Variants in KCNH5 observed in about 807,000 individuals in gnomAD.
The protein encoded by KCNH5 is voltage-gated delayed rectifier potassium channel KCNH5.
In KCNH5, 46 loss-of-function variants were observed where a neutral mutation model predicts 96.1. The ratio of observed to expected loss-of-function variants is 0.48; its 90% CI spans 0.38 to 0.61. The LOEUF (loss-of-function observed/expected upper bound fraction) is 0.61, where lower values mean the gene tolerates loss of function less well. Ranked by LOEUF, KCNH5 falls within the 20% of genes least tolerant of loss-of-function variation. The pLI is 0.00. For missense variants in KCNH5, 907 were observed against 1,225.8 expected, an observed-to-expected ratio of 0.74 and a Z score of 3.88; for synonymous variants, 439 against 449.8, an observed-to-expected ratio of 0.98 and a Z score of 0.30.
At chr14:62,717,509 A>G (rs1389123359) in intron 10 of KCNH5, among the ~76,000 whole-genome samples, 3 of 152,228 alleles carry the variant, frequency 2.0e-5, no homozygotes, top group Non-Finnish European at 4.4e-5. Context: ...GGTTTTTGAC[A>G]AGGTTGTCAA....
intron 10 of KCNH5, among the ~76,000 whole-genome samples, chr14:62,778,745 AC>A (rs1886149161): frequency 6.6e-6 from 1 of 152,242 alleles, no homozygotes; most frequent in South Asian, 2.1e-4. Context: ...TTGATAACAA[AC>A]GTATGAACTG....
Position 62,790,772 on chromosome 14 carries a change from C to T in KCNH5, c.1823-10848G>A, listed in dbSNP as rs146477443. ...ATTTTTTTCTTGATTTCTTTTTCAG[C>T]TAAGTCATTATTTGCATATAGAAAT... On this transcript the variant is annotated intron_variant, in intron 9 of 10. Transcript: ENST00000322893. 3.2e-3 allele frequency among the ~76,000 whole-genome samples: 488 copies of T among 151,584 alleles called. 1 individual carries two copies. Among genetic ancestry groups the T allele is most frequent in the African/African-American group, 0.011 (474 of 41,446 alleles).
chr14:62,785,341 G>A (rs950583388), intron 9 of KCNH5, among the ~76,000 whole-genome samples: 3 of 152,172 alleles, frequency 2.0e-5, no homozygotes, highest in African/African-American at 4.8e-5. Context: ...AATATCTAAC[G>A]TGCATGCATC....
chr14:62,941,026 C>G (rs754320958), intron 7 of KCNH5, among the ~76,000 whole-genome samples: 2 of 152,082 alleles, frequency 1.3e-5, no homozygotes, highest in Non-Finnish European at 2.9e-5. Flanking sequence ...AAGGGAGAGA[C>G]AGATGGATCA....
At chr14:62,982,313 G>A (rs1283427550) in intron 5 of KCNH5, among the ~76,000 whole-genome samples, 2 of 151,934 alleles carry the variant, frequency 1.3e-5, no homozygotes, top group African/African-American at 4.8e-5. Context: ...TGGCGACAGA[G>A]CGAGACTCCG....
chr14:62,935,845 G>T (rs920315762), intron 7 of KCNH5, among the ~76,000 whole-genome samples: 40 of 152,162 alleles, frequency 2.6e-4, no homozygotes, highest in African/African-American at 8.7e-4. Flanking sequence ...GTGGACCATT[G>T]AGCAAAATAT....
intron 7 of KCNH5, among the ~76,000 whole-genome samples, chr14:62,893,640 C>T (rs1033326824): frequency 2.0e-5 from 3 of 152,066 alleles, no homozygotes; most frequent in Admixed American, 6.6e-5. Flanking sequence ...CCTGTAATCC[C>T]AGCTACTTGG....
At chr14:62,820,457 A>G (rs112741786) in intron 8 of KCNH5, among the ~76,000 whole-genome samples, 2,008 of 151,330 alleles carry the variant, frequency 0.013, 42 homozygotes, top group African/African-American at 0.046. Context: ...CCTAATACCC[A>G]TTAGTTATTT....
intron 8 of KCNH5, among the ~76,000 whole-genome samples, chr14:62,822,137 T>C (rs1272965415): frequency 1.3e-5 from 2 of 152,140 alleles, no homozygotes. Flanking sequence ...AAGGAATTTG[T>C]GGAGAGATAT....
intron 7 of KCNH5, among the ~76,000 whole-genome samples, chr14:62,901,855 T>C (rs1421959437): frequency 7.9e-5 from 12 of 152,256 alleles, no homozygotes; most frequent in East Asian, 7.7e-4. Flanking sequence ...ACAATGTATA[T>C]GCATTCTCTT....
intron 8 of KCNH5, among the ~76,000 whole-genome samples, chr14:62,831,675 T>C (rs985241356): frequency 1.1e-4 from 16 of 152,208 alleles, no homozygotes; most frequent in Non-Finnish European, 5.9e-5. Flanking sequence ...GATTATTTTT[T>C]CACTTTTCTT....
intron 9 of KCNH5, among the ~76,000 whole-genome samples, chr14:62,790,278 G>A (rs1886405992): frequency 6.6e-6 from 1 of 151,720 alleles, no homozygotes; most frequent in Admixed American, 6.6e-5. Context: ...TTTTATGCCA[G>A]TACCATACCG....
intron 2 of KCNH5, among the ~76,000 whole-genome samples, chr14:63,007,667 T>C (rs906517544): frequency 3.3e-5 from 5 of 152,164 alleles, no homozygotes; most frequent in Non-Finnish European, 5.9e-5. Context: ...TATGTTCCCA[T>C]ACTATCATTA....
chr14:62,739,431 A>C (rs1383885831), intron 10 of KCNH5, among the ~76,000 whole-genome samples: 1 of 151,408 alleles, frequency 6.6e-6, no homozygotes, highest in Non-Finnish European at 1.5e-5. Flanking sequence ...TGACTACGCT[A>C]TTTATGCGAG....
At chr14:62,717,255 AC>A (rs1884706027) in intron 10 of KCNH5, among the ~76,000 whole-genome samples, 1 of 152,206 alleles carries the variant, frequency 6.6e-6, no homozygotes, top group Non-Finnish European at 1.5e-5. Flanking sequence ...CAAAATTTCA[AC>A]AGCCCATTTT....
chr14:62,892,958 C>T (rs186033882), intron 7 of KCNH5, among the ~76,000 whole-genome samples: 1 of 152,272 alleles, frequency 6.6e-6, no homozygotes, highest in East Asian at 1.9e-4. Flanking sequence ...ATATTGTTTT[C>T]ATACCTGCTA....
At position 62,918,081 on chromosome 14, in the gene KCNH5, G is replaced by C. The variant is rs371154874; in HGVS notation, c.1369+32052C>G. On this transcript the variant is annotated intron_variant, in intron 7 of 10. Coordinates refer to ENST00000322893, the MANE Select transcript of KCNH5 (RefSeq NM_139318.5). The stretch of plus-strand genomic sequence containing the variant: ...ATATTCTAATCCTTACTAGATGTGT[G>C]ATTTGGGATGAGCCATGGGAAGTTT... Among the ~76,000 whole-genome samples, 62 of 152,244 alleles carry C rather than the reference G, an allele frequency of 4.1e-4. 3 individuals are homozygous for C. The South Asian group carries it at 8.3e-3, about 20-fold the overall frequency.
At chr14:63,004,145 A>C (rs1243754662) in intron 3 of KCNH5, among the ~76,000 whole-genome samples, 2 of 152,244 alleles carry the variant, frequency 1.3e-5, no homozygotes, top group African/African-American at 4.8e-5. Flanking sequence ...TTCCCAAAAC[A>C]GTTTTCTGCA....
intron 8 of KCNH5, among the ~76,000 whole-genome samples, chr14:62,817,165 T>G (rs1363724102): frequency 1.5e-5 from 2 of 131,354 alleles, no homozygotes; most frequent in South Asian, 5.0e-4. Flanking sequence ...ATACATAATA[T>G]ATAATATATA....
Sources: gnomAD v4.1 joint callset for allele counts (sites outside exome capture counted in the v4.1 genomes callset) on GRCh38, gnomAD v4.1.1 for gene constraint, MANE v1.5 for transcripts, NCBI Gene and HGNC (gene_info 2026-07-23, HGNC 2026-07-21) for gene names.